ADGRV1: variants seen among roughly 807,000 people sequenced by gnomAD.
ADGRV1 encodes adhesion G protein-coupled receptor V1, also known as G-protein coupled receptor 98.
ADGRV1 carries 359 observed loss-of-function variants against 596.2 expected under a neutral mutation model. The observed-to-expected ratio is 0.60, with a 90% CI of 0.55 to 0.66. The LOEUF is 0.66. ADGRV1 is among the 30% of genes least tolerant of loss of function. The pLI, the probability that ADGRV1 is intolerant of heterozygous loss-of-function variation, is 0.00. For missense variants in ADGRV1, 7,274 were observed against 7,575.6 expected (o/e 0.96, Z 1.48); for synonymous variants, 2,681 against 2,679.2 (o/e 1.00, Z -0.02).
At chr5:91,120,455 C>A (rs540911036) in intron 87 of ADGRV1, among the ~76,000 whole-genome samples, 109 of 152,304 alleles carry the variant, frequency 7.2e-4, no homozygotes, top group Middle Eastern at 3.4e-3. Flanking sequence ...AATAGGCATT[C>A]CCTCATAGTC....
intron 1 of ADGRV1, 21 bp downstream of exon 1, chr5:90,558,938 G>T: frequency 6.4e-7 from 1 of 1,551,692 alleles, no homozygotes; most frequent in East Asian, 2.4e-5. Context: ...GCTGAGGGGT[G>T]GTGCTGCGAG....
At chr5:90,580,737 T>G (rs181539869) in intron 1 of ADGRV1, among the ~76,000 whole-genome samples, 1 of 152,296 alleles carries the variant, frequency 6.6e-6, no homozygotes, top group East Asian at 1.9e-4. Flanking sequence ...TCATCCTTGG[T>G]GAATCTGACA....
intron 43 of ADGRV1, chr5:90,718,341 A>G (rs918579781): frequency 6.6e-6 from 1 of 152,184 alleles, no homozygotes; most frequent in African/African-American, 2.4e-5. Context: ...GCTAGATTAT[A>G]TTTTATTGTA....
intron 11 of ADGRV1, 121 bp from the exon 12 acceptor site, chr5:90,642,515 A>G: frequency 9.7e-7 from 1 of 1,026,426 alleles, no homozygotes; most frequent in East Asian, 2.4e-5. Flanking sequence ...CTTAAGGTCT[A>G]ATTCCTCATA....
chr5:90,854,391 A>T (rs193021504), intron 81 of ADGRV1, among the ~76,000 whole-genome samples, 190 bp downstream of exon 81: 2 of 152,198 alleles, frequency 1.3e-5, no homozygotes, highest in African/African-American at 4.8e-5. Context: ...AATGCAGCCC[A>T]GCATTTCAAT....
chr5:91,022,217 C>G (rs1783697186), intron 85 of ADGRV1, among the ~76,000 whole-genome samples: 1 of 152,048 alleles, frequency 6.6e-6, no homozygotes, highest in Admixed American at 6.6e-5. Context: ...TCGATTGTAG[C>G]AGATTCTATC....
intron 80 of ADGRV1, 59 bp from the exon 81 acceptor site, chr5:90,854,003 G>A: frequency 8.0e-7 from 1 of 1,257,794 alleles, no homozygotes; most frequent in East Asian, 2.5e-5. Flanking sequence ...CAGGGTAAGA[G>A]ACTCAGTCAT....
chr5:90,772,542 T>C (rs1196261266), intron 59 of ADGRV1, among the ~76,000 whole-genome samples: 1 of 152,202 alleles, frequency 6.6e-6, no homozygotes, highest in Non-Finnish European at 1.5e-5. Flanking sequence ...TATTCAGGTG[T>C]GAGTCATAGT....
chr5:90,866,945 A>G (rs529705450), intron 83 of ADGRV1, among the ~76,000 whole-genome samples: 2 of 152,288 alleles, frequency 1.3e-5, no homozygotes, highest in African/African-American at 2.4e-5. Context: ...ATGACAAGAA[A>G]TTGTGGGGCT....
intron 27 of ADGRV1, among the ~76,000 whole-genome samples, chr5:90,682,698 A>G (rs1181224309): frequency 1.3e-5 from 2 of 152,102 alleles, no homozygotes; most frequent in African/African-American, 2.4e-5. Context: ...AGATAAAAAA[A>G]GCGTTAAGGG....
chr5:90,664,201 G>A (rs1308579955), intron 21 of ADGRV1, among the ~76,000 whole-genome samples: 5 of 146,824 alleles, frequency 3.4e-5, no homozygotes, highest in Non-Finnish European at 6.0e-5. Context: ...AATTACCTTG[G>A]GCAGTATGGC....
At chr5:91,086,525 A>G (rs745893731) in intron 86 of ADGRV1, among the ~76,000 whole-genome samples, 9 of 152,176 alleles carry the variant, frequency 5.9e-5, no homozygotes, top group Non-Finnish European at 1.3e-4. Flanking sequence ...GATCATCAGA[A>G]TTGCTTATGC....
At chr5:90,781,915 A>C (rs1379260731) in intron 65 of ADGRV1, among the ~76,000 whole-genome samples, 1 of 152,158 alleles carries the variant, frequency 6.6e-6, no homozygotes, top group African/African-American at 2.4e-5. Flanking sequence ...AAATCAGTGA[A>C]TATTCACTTC....
At chr5:91,057,281 G>GA (rs575778199) in intron 85 of ADGRV1, among the ~76,000 whole-genome samples, 3 of 151,422 alleles carry the variant, frequency 2.0e-5, no homozygotes, top group East Asian at 1.9e-4. Context: ...TTTGAAGAAA[G>GA]AAAAAAAATA....
chr5:90,736,026 C>T (rs547939256), intron 50 of ADGRV1, among the ~76,000 whole-genome samples: 1 of 152,226 alleles, frequency 6.6e-6, no homozygotes, highest in Non-Finnish European at 1.5e-5. Context: ...AAGGAAGTGA[C>T]AATAGTGGGC....
At chr5:90,895,305 AC>A (rs1208178410) in intron 83 of ADGRV1, among the ~76,000 whole-genome samples, 2 of 152,178 alleles carry the variant, frequency 1.3e-5, no homozygotes, top group Non-Finnish European at 2.9e-5. Flanking sequence ...ACATAAACAC[AC>A]TTTAGCTAGT....
chr5:90,933,640 C>T lies in ADGRV1; in HGVS notation c.17857-31775C>T, dbSNP rs1220732313. Among the ~76,000 whole-genome samples, 4 of 152,242 alleles carry T rather than the reference C, an allele frequency of 2.6e-5. No individual in the cohort carries two copies. In the East Asian group the frequency reaches 7.7e-4, roughly 29 times the overall value. ...ATGAGACTAACTTTTCAGAGAATCT[C>T]TCTAACTTTTGAGTTGATTTGGTAT... On this transcript the variant is annotated intron_variant, in intron 83 of 89. Transcript: ENST00000405460.
chr5:90,965,697 C>A (rs1249098133), intron 84 of ADGRV1, among the ~76,000 whole-genome samples, 166 bp downstream of exon 84: 3 of 152,024 alleles, frequency 2.0e-5, no homozygotes, highest in Non-Finnish European at 4.4e-5. Context: ...AGCTGTACAA[C>A]AGTAGAGAGC....
chr5:90,753,942 G>T, intron 54 of ADGRV1, 113 bp downstream of exon 54: 1 of 1,077,558 alleles, frequency 9.3e-7, no homozygotes, highest in South Asian at 1.9e-5. Flanking sequence ...TTTCAGTTTG[G>T]CAGGTCATAC....
Sources: gnomAD v4.1 joint callset for allele counts (sites outside exome capture counted in the v4.1 genomes callset) on GRCh38, gnomAD v4.1.1 for gene constraint, MANE v1.5 for transcripts, NCBI Gene and HGNC (gene_info 2026-07-23, HGNC 2026-07-21) for gene names.